The following EIF5A variants were observed in gnomAD, a reference collection of about 807,000 sequenced individuals.
EIF5A encodes the protein eukaryotic translation initiation factor 5A, also known as eukaryotic translation initiation factor 5A-1.
In EIF5A, 1 loss-of-function variant was observed where a neutral mutation model predicts 16.6. The ratio of observed to expected loss-of-function variants is 0.06; its 90% CI spans 0.02 to 0.28. The LOEUF (loss-of-function observed/expected upper bound fraction) is 0.28. Ranked by LOEUF, EIF5A falls within the 10% of genes least tolerant of loss-of-function variation. The probability of loss-of-function intolerance (pLI) is 1.00; values close to 1 mark genes in which losing one functional copy is unlikely to be tolerated. For synonymous variants in EIF5A, 80 were observed against 73.6 expected (o/e 1.09, Z -0.44); for missense variants, 29 against 196.1 (o/e 0.15, Z 5.09).
upstream of EIF5A, chr17:7,307,126 T>G: frequency 1.3e-6 from 2 of 1,587,312 alleles, no homozygotes. Flanking sequence ...GTGAGTCGTT[T>G]AAGTCCAGTT....
intron 1 of EIF5A, chr17:7,308,075 C>G (rs573501635): frequency 5.1e-6 from 5 of 989,268 alleles, no homozygotes; most frequent in Admixed American, 1.3e-4. Flanking sequence ...GCAAGGGTAC[C>G]TGGGCCGTTG....
At chr17:7,311,746 C>A in intron 5 of EIF5A, 76 bp from the exon 6 acceptor site, 1 of 1,491,998 alleles carries the variant, frequency 6.7e-7, no homozygotes, top group South Asian at 1.2e-5. Context: ...CTTTCTGCCC[C>A]TAGCCTGGCT....
chr17:7,308,367 G>T (rs538036847), intron 1 of EIF5A: 18 of 1,188,856 alleles, frequency 1.5e-5, no homozygotes, highest in Middle Eastern at 3.8e-4. Flanking sequence ...CGGCCACATG[G>T]TCGGCAGGAG....
intron 2 of EIF5A, 55 bp downstream of exon 2, chr17:7,309,855 C>T (rs1244831486): frequency 3.7e-6 from 6 of 1,614,100 alleles, no homozygotes; most frequent in Non-Finnish European, 8.5e-7. Flanking sequence ...ATCTTTGGCG[C>T]TCCCAGCAGC....
chr17:7,307,327 T>A, upstream of EIF5A: 1 of 1,192,238 alleles, frequency 8.4e-7, no homozygotes, highest in Non-Finnish European at 1.1e-6. Flanking sequence ...GGGCTCCTTA[T>A]TGCGCAGGCG....
Position 7,312,039 on chromosome 17 carries a change from CCCT to C in EIF5A, c.*234_*236del, listed in dbSNP as rs1285227016. On this transcript the variant is annotated 3_prime_UTR_variant, in exon 6 of 6. Coordinates refer to ENST00000336458, the MANE Select transcript of EIF5A (RefSeq NM_001970.5). ...CGAAGCTGTGGCCTTGGTGAAGCTG[CCCT>C]CCTCTTCTCCCCTCACACTACAGCC... The C allele has an allele frequency of 1.5e-5, 4 of 258,664 alleles. No individual in the cohort carries two copies. The highest frequency in any genetic ancestry group is 9.2e-5 in the East Asian group (1 of 10,910). 16.0% of individuals were successfully genotyped at this position (258,664 alleles called of 1,614,324 possible).
chr17:7,307,672 C>A lies in EIF5A; in HGVS notation c.-102C>A, dbSNP rs1352975963. The stretch of plus-strand genomic sequence containing the variant: ...GCAGCGGCGGCGGCGGTAGAGGCGG[C>A]GGCGGCGGCGGCAGCGGGCTCGGAG... On this transcript the variant is annotated 5_prime_UTR_variant, in exon 1 of 6. Coordinates refer to ENST00000336458, the MANE Select transcript of EIF5A (RefSeq NM_001970.5). 1 of 1,049,044 alleles carries A rather than the reference C, an allele frequency of 9.5e-7. No individual in the cohort carries two copies. Among genetic ancestry groups the A allele is most frequent in the South Asian group, 2.9e-5 (1 of 34,394 alleles). 65.0% of individuals were successfully genotyped at this position (1,049,044 alleles called of 1,614,324 possible).
rs913424068 is a variant in EIF5A, at chr17:7,310,112, G to C, written c.165+312G>C. The C allele has an allele frequency of 1.2e-5, 16 of 1,351,630 alleles. No individual in the cohort carries two copies. In the Admixed American group the frequency reaches 3.5e-4, roughly 30 times the overall value. The allele number at this position is 1,351,630 out of a possible 1,614,324, so 83.7% of individuals were successfully genotyped here. A position where few individuals can be genotyped will look rare whatever the true frequency, so the allele number is the denominator to read the frequency against. ...ATTCAGTTGCTCCTTCCTTATTCTTGGTTTTCACTTTTTCTTTCTTCCCTT... is the reference window on the plus strand; with the variant it reads ...ATTCAGTTGCTCCTTCCTTATTCTTCGTTTTCACTTTTTCTTTCTTCCCTT... On this transcript the variant is annotated intron_variant, in intron 2 of 5. Coordinates refer to ENST00000336458, the MANE Select transcript of EIF5A (RefSeq NM_001970.5).
rs368754613 is a variant in EIF5A, at chr17:7,308,509, C to T, written c.-22+757C>T. 14 of 1,351,406 alleles carry T rather than the reference C, an allele frequency of 1.0e-5. No individual in the cohort carries two copies. In the African/African-American group the frequency reaches 1.5e-4, roughly 14 times the overall value. The allele number at this position is 1,351,406 out of a possible 1,614,324, so 83.7% of individuals were successfully genotyped here. ...CTGCTGCAGGCATATGTTAGCGCTT[C>T]CCAACCTCAAGGGCCCCAGGAGCTT... On this transcript the variant is annotated intron_variant, in intron 1 of 5. Coordinates refer to ENST00000336458, the MANE Select transcript of EIF5A (RefSeq NM_001970.5).
At chr17:7,308,701 A>C in intron 1 of EIF5A, 1 of 739,410 alleles carries the variant, frequency 1.4e-6, no homozygotes, top group Non-Finnish European at 1.9e-6. Flanking sequence ...TGAGTTTCCC[A>C]CCGTGATAGG....
In EIF5A at chr17:7,311,709, G is replaced by A. The variant is rs2072833663; in HGVS notation, c.*11+58G>A. 1.5e-5 allele frequency: 24 copies of A among 1,603,704 alleles called. No individual in the cohort carries two copies. In the Middle Eastern group the frequency reaches 3.0e-3, roughly 201 times the overall value. Reference sequence around the variant, plus strand: ...ACATTTTGTTGTCCTCAGCAGAGCTGCTGTAGTCTTAATTGTTTCAGGCTT... The same window carrying A: ...ACATTTTGTTGTCCTCAGCAGAGCTACTGTAGTCTTAATTGTTTCAGGCTT... On this transcript the variant is annotated intron_variant, in intron 5 of 5. Coordinates refer to ENST00000336458, the MANE Select transcript of EIF5A (RefSeq NM_001970.5).
intron 3 of EIF5A, 49 bp downstream of exon 3, chr17:7,311,171 G>A (rs757380453): frequency 6.2e-7 from 1 of 1,602,174 alleles, no homozygotes; most frequent in East Asian, 2.2e-5. Context: ...ATGGTGGAGG[G>A]AGGGGTTGGG....
intron 1 of EIF5A, 159 bp from the exon 2 acceptor site, chr17:7,309,456 T>G (rs2072748575): frequency 1.1e-6 from 1 of 937,234 alleles, no homozygotes; most frequent in Non-Finnish European, 1.6e-6. Context: ...CTTGAGTATA[T>G]TTGAGCCCAG....
intron 1 of EIF5A, chr17:7,308,588 C>T: frequency 7.4e-7 from 1 of 1,350,480 alleles, no homozygotes; most frequent in South Asian, 1.1e-5. Context: ...AAGTGGCACC[C>T]CTTCGAGCTG....
rs1411080480 is a variant in EIF5A, at chr17:7,308,344, C to A, written c.-22+592C>A. The stretch of plus-strand genomic sequence containing the variant: ...ACCCCTCCCCCCAGGTCCCGGCCAC[C>A]GGAAGCCCGGAACGGCCACATGGTC... On this transcript the variant is annotated intron_variant, in intron 1 of 5. Coordinates refer to ENST00000336458, the MANE Select transcript of EIF5A (RefSeq NM_001970.5). 3.4e-6 allele frequency: 4 copies of A among 1,174,530 alleles called. No individual in the cohort carries two copies. The African/African-American group carries it at 6.6e-5, about 19-fold the overall frequency. 72.8% of individuals were successfully genotyped at this position (1,174,530 alleles called of 1,614,324 possible).
In EIF5A at chr17:7,307,649, AGCGGCGGCGGCGGTAGAGGCGGCGGCG is replaced by A; in HGVS notation, c.-116_-90del. 1.9e-6 allele frequency: 2 copies of A among 1,050,714 alleles called. No homozygotes were observed. Among genetic ancestry groups the A allele is most frequent in the Non-Finnish European group, 2.3e-6 (2 of 872,956 alleles). The allele number at this position is 1,050,714 out of a possible 1,614,324, so 65.1% of individuals were successfully genotyped here. A position where few individuals can be genotyped will look rare whatever the true frequency, so the allele number is the denominator to read the frequency against. On this transcript the variant is annotated 5_prime_UTR_variant, in exon 1 of 6. Coordinates refer to ENST00000336458, the MANE Select transcript of EIF5A (RefSeq NM_001970.5). Reference sequence around the variant, plus strand: ...CTGCGTACTAAGACCCGTGTGCAGCAGCGGCGGCGGCGGTAGAGGCGGCGGCGGCGGCGGCAGCGGGCTCGGAGGCAG... The same window carrying A: ...CTGCGTACTAAGACCCGTGTGCAGCAGCGGCGGCAGCGGGCTCGGAGGCAG...
upstream of EIF5A, chr17:7,307,520 G>A: frequency 9.8e-7 from 1 of 1,022,238 alleles, no homozygotes; most frequent in Non-Finnish European, 1.2e-6. Context: ...AGATGGGTAG[G>A]GTGTGTGCGC....
In EIF5A at chr17:7,309,528, G is replaced by A; in HGVS notation, c.-21-87G>A. Reference sequence around the variant, plus strand: ...AGGTGGGTAATGGAATAAAGAGTTGGGAAAATGTTTCTGGAGAGAAATGGG... The same window carrying A: ...AGGTGGGTAATGGAATAAAGAGTTGAGAAAATGTTTCTGGAGAGAAATGGG... On this transcript the variant is annotated intron_variant, in intron 1 of 5. Coordinates refer to ENST00000336458, the MANE Select transcript of EIF5A (RefSeq NM_001970.5). 5.2e-6 allele frequency: 8 copies of A among 1,550,588 alleles called. No homozygotes were observed. In the South Asian group the frequency reaches 8.1e-5, roughly 16 times the overall value.
At chr17:7,311,239 G>C in intron 3 of EIF5A, 111 bp from the exon 4 acceptor site, 1 of 1,583,956 alleles carries the variant, frequency 6.3e-7, no homozygotes, top group South Asian at 1.1e-5. Context: ...TGGCAGGAGA[G>C]GGTGTTTGGT....
Sources: gnomAD v4.1 joint callset for allele counts on GRCh38, gnomAD v4.1.1 for gene constraint, MANE v1.5 for transcripts, NCBI Gene and HGNC (gene_info 2026-07-23, HGNC 2026-07-21) for gene names.